BLTP2: variants seen among roughly 807,000 people sequenced by gnomAD.
BLTP2 encodes the protein bridge-like lipid transfer protein family member 2, also known as U937-associated antigen.
the BLTP2 span, among the ~76,000 whole-genome samples, chr17:28,625,064 G>A: frequency 1.9e-4 from 29 of 152,176 alleles, no homozygotes; most frequent in Non-Finnish European, 2.5e-4. Context: ...GGGGCCAGGC[G>A]CGGTGGCTCA....
the BLTP2 span, chr17:28,635,826 T>TCCAG: frequency 2.0e-6 from 1 of 499,272 alleles, no homozygotes; most frequent in Non-Finnish European, 3.5e-6. Context: ...CACTTATACT[T>TCCAG]TTTAAGTTCT....
the BLTP2 span, chr17:28,616,551 C>T: frequency 3.7e-6 from 6 of 1,614,076 alleles, no homozygotes; most frequent in Non-Finnish European, 5.1e-6. The surrounding 1 kb of genome is among the most constrained non-coding windows in gnomAD (Gnocchi z 4.8). Flanking sequence ...CATCCTCGTT[C>T]TGAAGTCTCA....
At chr17:28,633,930 T>C in the BLTP2 span, 1 of 1,614,132 alleles carries the variant, frequency 6.2e-7, no homozygotes, top group South Asian at 1.1e-5. Flanking sequence ...TGGGGGCATG[T>C]TCCTCTCCAC....
At chr17:28,638,395 G>A in the BLTP2 span, 1 of 1,613,990 alleles carries the variant, frequency 6.2e-7, no homozygotes, top group Non-Finnish European at 8.5e-7. Context: ...TGGATGCTTT[G>A]TGGCCTGAGG....
the BLTP2 span, chr17:28,616,361 C>T: frequency 6.2e-7 from 1 of 1,613,940 alleles, no homozygotes; most frequent in Non-Finnish European, 8.5e-7. The surrounding 1 kb of genome is among the most constrained non-coding windows in gnomAD (Gnocchi z 4.8). Flanking sequence ...TTTCTATCAT[C>T]AGGGGCATGT....
chr17:28,638,977 G>A, the BLTP2 span: 2 of 456,658 alleles, frequency 4.4e-6, no homozygotes, highest in South Asian at 4.7e-5. Context: ...TCTCTGTGCA[G>A]CACAATAGAA....
the BLTP2 span, chr17:28,642,237 G>C: frequency 6.2e-7 from 1 of 1,610,194 alleles, no homozygotes; most frequent in East Asian, 2.2e-5. Context: ...TTACGCCCAG[G>C]AGGAAATGAG....
At chr17:28,618,034 A>G in the BLTP2 span, among the ~76,000 whole-genome samples, 3 of 150,418 alleles carry the variant, frequency 2.0e-5, no homozygotes, top group Admixed American at 1.3e-4. Flanking sequence ...CCAGGTTCAA[A>G]CGATTCTCCT....
At chr17:28,634,404 C>T in the BLTP2 span, 2 of 1,064,686 alleles carry the variant, frequency 1.9e-6, no homozygotes, top group Non-Finnish European at 2.7e-6. Flanking sequence ...CCCACTCCAC[C>T]CACCCAAAAC....
At chr17:28,619,542 A>G in the BLTP2 span, 1 of 1,305,604 alleles carries the variant, frequency 7.7e-7, no homozygotes, top group Non-Finnish European at 1.1e-6. Context: ...CTACTCCTAC[A>G]TCAGCCTTTG....
chr17:28,634,156 C>G, the BLTP2 span: 2 of 1,323,460 alleles, frequency 1.5e-6, 1 homozygote, highest in Admixed American at 4.0e-5. Context: ...CTATCTTTTT[C>G]CTCACCACTA....
the BLTP2 span, among the ~76,000 whole-genome samples, chr17:28,617,936 T>TC: frequency 2.0e-4 from 30 of 148,192 alleles, no homozygotes; most frequent in South Asian, 4.4e-4. Flanking sequence ...ATTTTCTTTT[T>TC]TTTTTTTTTT....
chr17:28,624,224 A>G, the BLTP2 span: 1 of 1,612,880 alleles, frequency 6.2e-7, no homozygotes, highest in Non-Finnish European at 8.5e-7. Context: ...ACTTGTAAAG[A>G]GAAGGTACCT....
At chr17:28,631,759 G>A in the BLTP2 span, 2 of 1,600,762 alleles carry the variant, frequency 1.2e-6, no homozygotes, top group Middle Eastern at 1.7e-4. Context: ...GAGGGGAATG[G>A]AACTGAGAAG....
the BLTP2 span, chr17:28,640,096 A>G: frequency 3.9e-5 from 61 of 1,567,408 alleles, no homozygotes; most frequent in Middle Eastern, 4.6e-3. Flanking sequence ...TTTATTTTTT[A>G]AAAGTAATTA....
chr17:28,634,139 C>T, the BLTP2 span: 30 of 1,493,718 alleles, frequency 2.0e-5, no homozygotes, highest in South Asian at 3.3e-4. Flanking sequence ...TCTGAGCACT[C>T]TCGGGCCTAT....
the BLTP2 span, chr17:28,645,089 CCCCCGCCATGCCGGG>C: frequency 6.4e-7 from 1 of 1,564,682 alleles, no homozygotes; most frequent in Non-Finnish European, 8.7e-7. Context: ...TTGGCCCCGG[CCCCCGCCATGCCGGG>C]CCCCGACGCC....
chr17:28,624,017 T>A, the BLTP2 span: 3 of 1,550,854 alleles, frequency 1.9e-6, no homozygotes, highest in African/African-American at 4.1e-5. Context: ...ATGAGGTTAG[T>A]GAGCACATTG....
chr17:28,634,106 A>G, the BLTP2 span: 1 of 1,608,788 alleles, frequency 6.2e-7, no homozygotes, highest in South Asian at 1.1e-5. Context: ...GAGGAAGGGT[A>G]CACACTGGCT....
Sources: allele counts gnomAD v4.1 joint callset (sites outside exome capture counted in the v4.1 genomes callset), GRCh38; gene constraint gnomAD v4.1.1; non-coding constraint Gnocchi (gnomAD v3.1); transcripts MANE v1.5; gene names NCBI Gene and HGNC (gene_info 2026-07-23, HGNC 2026-07-21).